The following LONP2 variants were observed in gnomAD, a reference collection of about 807,000 sequenced individuals.
LONP2 encodes lon protease homolog 2, peroxisomal.
A neutral mutation model predicts 85.6 loss-of-function variants in LONP2; 60 were observed. That is an observed-to-expected ratio of 0.70 (90% CI 0.57 to 0.87). LONP2 has a LOEUF of 0.87. LONP2 is among the 40% of genes least tolerant of loss of function. The pLI, the probability that LONP2 is intolerant of heterozygous loss-of-function variation, is 0.00. For missense variants in LONP2, 860 were observed against 1,063.5 expected, an observed-to-expected ratio of 0.81 and a Z score of 2.66; for synonymous variants, 395 against 389.7, an observed-to-expected ratio of 1.01 and a Z score of -0.16.
chr16:48,305,570 A>G (rs1972897134), intron 11 of LONP2, among the ~76,000 whole-genome samples: 1 of 151,810 alleles, frequency 6.6e-6, no homozygotes, highest in Non-Finnish European at 1.5e-5. Context: ...TTTATTTTTT[A>G]TTTTTACTCT....
At chr16:48,291,824 G>A (rs974061259) in intron 8 of LONP2, among the ~76,000 whole-genome samples, 2 of 152,218 alleles carry the variant, frequency 1.3e-5, no homozygotes, top group Non-Finnish European at 2.9e-5. Context: ...TTTTCTGCCA[G>A]AATATTGATC....
intron 8 of LONP2, among the ~76,000 whole-genome samples, chr16:48,291,169 A>C (rs1018618937): frequency 2.0e-5 from 3 of 152,140 alleles, no homozygotes; most frequent in African/African-American, 7.2e-5. Flanking sequence ...AGCAGAGAAG[A>C]TAGTATAATG....
At chr16:48,263,870 A>G (rs1245110165) in intron 6 of LONP2, among the ~76,000 whole-genome samples, 2 of 152,242 alleles carry the variant, frequency 1.3e-5, no homozygotes, top group East Asian at 1.9e-4. Context: ...GGCTTGAGAA[A>G]TAAAGAGACA....
At chr16:48,291,751 G>GT (rs1276228384) in intron 8 of LONP2, among the ~76,000 whole-genome samples, 1 of 152,136 alleles carries the variant, frequency 6.6e-6, no homozygotes, top group Admixed American at 6.5e-5. Flanking sequence ...TGTAATTTTC[G>GT]TCCTTCCATG....
At chr16:48,302,672 G>C (rs1050682615) in intron 10 of LONP2, among the ~76,000 whole-genome samples, 4 of 152,196 alleles carry the variant, frequency 2.6e-5, no homozygotes, top group African/African-American at 9.7e-5. Flanking sequence ...AAAATACACT[G>C]AAGAAAGGTG....
intron 1 of LONP2, among the ~76,000 whole-genome samples, chr16:48,246,299 T>A (rs762007260): frequency 4.6e-5 from 7 of 152,224 alleles, no homozygotes; most frequent in Non-Finnish European, 1.0e-4. Flanking sequence ...CAGTACTCTT[T>A]GATAAATTGT....
intron 6 of LONP2, among the ~76,000 whole-genome samples, chr16:48,266,162 C>G (rs750748647): frequency 1.2e-4 from 18 of 152,020 alleles, no homozygotes; most frequent in Admixed American, 5.9e-4. Flanking sequence ...TGCCATGACA[C>G]CCGGCTAATT....
At chr16:48,292,597 C>T (rs371037891) in intron 8 of LONP2, among the ~76,000 whole-genome samples, 4 of 152,154 alleles carry the variant, frequency 2.6e-5, no homozygotes, top group African/African-American at 9.7e-5. Flanking sequence ...TAAAGGTTTC[C>T]CCTTACAAAG....
chr16:48,349,392 T>C (rs2151034372), intron 14 of LONP2, among the ~76,000 whole-genome samples: 1 of 152,252 alleles, frequency 6.6e-6, no homozygotes, highest in East Asian at 1.9e-4. Flanking sequence ...TGCCTCAGTC[T>C]CTCAACTAGC....
rs1960031572 is a variant in LONP2, at chr16:48,348,257, T to G, written c.2304T>G (p.Thr768=). The G allele has an allele frequency of 5.1e-6, 8 of 1,561,288 alleles. No homozygotes were observed. Among genetic ancestry groups the G allele is most frequent in the African/African-American group, 1.4e-5 (1 of 72,606 alleles). The change falls in exon 14 of 15, where the codon ACT becomes ACG. Residue 768 remains threonine (T), a synonymous_variant. Coordinates refer to ENST00000285737, the MANE Select transcript of LONP2 (RefSeq NM_031490.5). Reference sequence around the variant, plus strand: ...TGGTACGTTCAGATGTAGCCATGACTGGAGAAATTACACTGAGAGGTCTTG... The same window carrying G: ...TGGTACGTTCAGATGTAGCCATGACGGGAGAAATTACACTGAGAGGTCTTG... ...GRLVRSDVAM[T]GEITLRGLVL...
chr16:48,292,393 T>C (rs1972574322), intron 8 of LONP2, among the ~76,000 whole-genome samples: 1 of 152,134 alleles, frequency 6.6e-6, no homozygotes, highest in Non-Finnish European at 1.5e-5. Flanking sequence ...AGCTATCTTA[T>C]TTGGAAACAA....
At chr16:48,277,795 C>A (rs967013434) in intron 8 of LONP2, among the ~76,000 whole-genome samples, 1 of 151,794 alleles carries the variant, frequency 6.6e-6, no homozygotes, top group African/African-American at 2.4e-5. Flanking sequence ...TCTCCTTCTC[C>A]CTGGGGTCCC....
chr16:48,324,796 C>CT lies in LONP2; in HGVS notation c.1796-9412dup, dbSNP rs944113026. 1.1e-4 allele frequency among the ~76,000 whole-genome samples: 16 copies of CT among 151,634 alleles called. 1 individual carries two copies. The highest frequency in any genetic ancestry group is 2.1e-4 in the South Asian group (1 of 4,790). On this transcript the variant is annotated intron_variant, in intron 11 of 14. Transcript: ENST00000285737. ...TACGGAAACTGGGGCCCCATTTGTT[C>CT]TTTTTTTTAATTGCTACATAATATA...
rs1973243311 is a variant in LONP2, at chr16:48,320,599, C to G, written c.1796-13617C>G. On this transcript the variant is annotated intron_variant, in intron 11 of 14. Coordinates refer to ENST00000285737, the MANE Select transcript of LONP2 (RefSeq NM_031490.5). ...CCATTGCATTTGATGGGATACTAGG[C>G]AGTATGCTATGTCCAAACTTCTAAA... 3.9e-5 allele frequency among the ~76,000 whole-genome samples: 6 copies of G among 152,110 alleles called. No homozygotes were observed. In the South Asian group the frequency reaches 1.2e-3, roughly 32 times the overall value.
chr16:48,356,194 G>A lies in LONP2; in HGVS notation c.*4392G>A, dbSNP rs1449524718. 1.3e-5 allele frequency: 2 copies of A among 152,224 alleles called. No homozygotes were observed. The highest frequency in any genetic ancestry group is 4.8e-5 in the African/African-American group (2 of 41,460). 9.4% of individuals were successfully genotyped at this position (152,224 alleles called of 1,614,324 possible). On this transcript the variant is annotated 3_prime_UTR_variant, in exon 15 of 15. Transcript: ENST00000285737. ...CTGTGATAGTGATGTCTACCACTGT[G>A]AGCTTCCAGTACTAGGTGATTGGTC...
intron 7 of LONP2, 141 bp downstream of exon 7, chr16:48,270,415 G>A: frequency 1.1e-6 from 1 of 938,364 alleles, no homozygotes. Context: ...ACATTTACAA[G>A]AAGTATCAGC....
At position 48,261,560 on chromosome 16, in the gene LONP2, A is replaced by G. The variant is rs761142049; in HGVS notation, c.860A>G (p.His287Arg). 3.1e-6 allele frequency: 5 copies of G among 1,596,298 alleles called. No homozygotes were observed. The African/African-American group carries it at 4.1e-5, about 13-fold the overall frequency. Residue 287 changes from histidine (H) to arginine (R), a missense_variant, in exon 5 of 15, where the codon CAT becomes CGT. His to Arg is a conservative substitution (Grantham distance 29). Around this residue, in one of 3 missense-constraint regions of LONP2, gnomAD observed 743 missense variants for 917.3 expected, o/e 0.81. Coordinates refer to ENST00000285737, the MANE Select transcript of LONP2 (RefSeq NM_031490.5). The stretch of plus-strand genomic sequence containing the variant: ...ACATCTAGTATGCCAGAGCAGGCCC[A>G]TAAAGTCTGTGTCAAAGAGATAAAG... ...IRTSSMPEQAHKVCVKEIKRL... is the reference protein window; with the variant it reads ...IRTSSMPEQARKVCVKEIKRL...
intron 8 of LONP2, among the ~76,000 whole-genome samples, chr16:48,280,071 A>C (rs920883129): frequency 6.6e-6 from 1 of 152,198 alleles, no homozygotes; most frequent in Non-Finnish European, 1.5e-5. Flanking sequence ...ATTTGGAGGT[A>C]AGGGTTTGAT....
intron 11 of LONP2, among the ~76,000 whole-genome samples, chr16:48,309,031 G>A (rs1212676904): frequency 6.6e-6 from 1 of 152,080 alleles, no homozygotes; most frequent in Non-Finnish European, 1.5e-5. Context: ...ACATACAAGT[G>A]GCCAGGAAGC....
Sources: allele counts gnomAD v4.1 joint callset (sites outside exome capture counted in the v4.1 genomes callset), GRCh38; gene constraint gnomAD v4.1.1; regional missense constraint gnomAD v4.1.1; transcripts MANE v1.5; gene names NCBI Gene and HGNC (gene_info 2026-07-23, HGNC 2026-07-21).